The following CARS2 variants were observed in gnomAD, a reference collection of about 807,000 sequenced individuals.
CARS2 encodes the protein probable cysteine--tRNA ligase, mitochondrial.
A neutral mutation model predicts 68.8 loss-of-function variants in CARS2; 52 were observed. That is an observed-to-expected ratio of 0.76 (90% CI 0.61 to 0.95). CARS2 has a LOEUF of 0.95. CARS2 is among the 40% of genes least tolerant of loss of function. CARS2 has a pLI of 0.00. For synonymous variants in CARS2, 314 were observed against 303.6 expected (o/e 1.03, Z -0.36); for missense variants, 780 against 754.2 (o/e 1.03, Z -0.40).
chr13:110,696,753 TA>T (rs1451520594), intron 3 of CARS2, among the ~76,000 whole-genome samples: 1 of 152,228 alleles, frequency 6.6e-6, no homozygotes, highest in Non-Finnish European at 1.5e-5. Context: ...ATAACATTTT[TA>T]AAAAAGTTAA....
intron 9 of CARS2, among the ~76,000 whole-genome samples, chr13:110,656,099 T>G (rs2062359508): frequency 6.6e-6 from 1 of 151,794 alleles, no homozygotes; most frequent in South Asian, 2.1e-4. Flanking sequence ...GGTTAGGAGT[T>G]CAAGACCAGC....
chr13:110,699,371 T>C (rs745711673), intron 3 of CARS2, among the ~76,000 whole-genome samples: 50 of 152,356 alleles, frequency 3.3e-4, no homozygotes, highest in East Asian at 1.5e-3. Context: ...GTGCTGACCA[T>C]GGACGCCGGT....
intron 13 of CARS2, 56 bp from the exon 14 acceptor site, chr13:110,642,577 C>CG (rs1261370866): frequency 6.5e-7 from 1 of 1,539,886 alleles, no homozygotes; most frequent in East Asian, 2.3e-5. Flanking sequence ...GTGGATGCCC[C>CG]CTCCCCACCC....
rs1566366174 is a variant in CARS2 at position 110,705,899 on chromosome 13, TA to T, written c.194del (p.Leu65GlnfsTer40). On this transcript the variant is annotated frameshift_variant, in exon 1 of 15. Transcript: ENST00000257347. LOFTEE classifies it high-confidence loss of function. This position sits in a 1 kb window ranked among gnomAD's most constrained non-coding sequence, Gnocchi z 4.0. ...AGGCGGCTTCGGCGTGCGCCACGAT[TA>T]GGGGTTCCTTCCTCCCGGTGAGGCT... Reference protein sequence around the residue: ...YNSLTGRKEPLIVAHAEAASW... With the variant: ...YNSLTGRKEPXIVAHAEAASW... 2.5e-6 allele frequency: 4 copies of T among 1,573,634 alleles called. No individual in the cohort carries two copies. In the South Asian group the frequency reaches 3.5e-5, roughly 14 times the overall value.
chr13:110,712,611 C>G (rs773615135), intron 1 of CARS2: 1 of 455,480 alleles, frequency 2.2e-6, no homozygotes, highest in Admixed American at 3.3e-5. Context: ...GCCCAAAATC[C>G]GGGAGCTTTG....
Position 110,651,076 on chromosome 13 carries a change from CG to C in CARS2, c.1011del (p.Asp338MetfsTer44), listed in dbSNP as rs1566653787. ...TIKDFLKTFS[P>X]DVFRFFCLRS... is the part of the protein sequence containing the mutation. ...CGCAGGCAGAAGAACCGGAAGACAT[CG>C]GGGGAAAAGGTCTTCAGAAAGTCCT... On this transcript the variant is annotated frameshift_variant, in exon 10 of 15. Transcript: ENST00000257347. LOFTEE classifies it high-confidence loss of function. The C allele has an allele frequency of 6.2e-7, 1 of 1,613,418 alleles. No homozygotes were observed. Among genetic ancestry groups the C allele is most frequent in the Middle Eastern group, 1.7e-4 (1 of 6,060 alleles).
chr13:110,713,341 C>T (rs1566376318), exon 1 of CARS2: 11 of 1,107,622 alleles, frequency 9.9e-6, no homozygotes, highest in Non-Finnish European at 1.1e-5. Context: ...CCCGTTAGGT[C>T]CTGGTCGGGT....
At chr13:110,693,620 A>G (rs1013006396) in intron 3 of CARS2, among the ~76,000 whole-genome samples, 4 of 152,044 alleles carry the variant, frequency 2.6e-5, no homozygotes, top group Non-Finnish European at 5.9e-5. Flanking sequence ...TAGCCTCCCA[A>G]AATGCTGGGA....
At position 110,647,096 on chromosome 13, in the gene CARS2, C is replaced by T; in HGVS notation, c.1193+5G>A. On this transcript the variant is annotated splice_donor_5th_base_variant and intron_variant, in intron 11 of 14. Coordinates refer to ENST00000257347, the MANE Select transcript of CARS2 (RefSeq NM_024537.4). ...GCCACGCCGGGTGCTAGGCGGGCCTCTTACCTCTCCCACAGCATCGCTTCC... is the reference window on the plus strand; with the variant it reads ...GCCACGCCGGGTGCTAGGCGGGCCTTTTACCTCTCCCACAGCATCGCTTCC... 1 of 1,575,114 alleles carries T rather than the reference C, an allele frequency of 6.3e-7. No individual in the cohort carries two copies. Among genetic ancestry groups the T allele is most frequent in the Non-Finnish European group, 8.6e-7 (1 of 1,161,150 alleles).
At chr13:110,701,757 C>T (rs552079999) in intron 2 of CARS2, among the ~76,000 whole-genome samples, 1 of 152,334 alleles carries the variant, frequency 6.6e-6, no homozygotes, top group African/African-American at 2.4e-5. Context: ...GAGAAACTGA[C>T]AAAGGTATTG....
At chr13:110,698,836 T>C (rs1383439512) in intron 3 of CARS2, among the ~76,000 whole-genome samples, 1 of 152,018 alleles carries the variant, frequency 6.6e-6, no homozygotes, top group African/African-American at 2.4e-5. Context: ...AAACCGCATC[T>C]CTACTAAAAA....
upstream of CARS2, chr13:110,707,212 TAC>T (rs1286533469): frequency 2.0e-5 from 3 of 150,300 alleles, no homozygotes; most frequent in Non-Finnish European, 3.0e-5. Flanking sequence ...TACACCCCAA[TAC>T]AGTGTGCACC....
chr13:110,691,112 C>T (rs1326155448), intron 3 of CARS2, among the ~76,000 whole-genome samples: 2 of 152,236 alleles, frequency 1.3e-5, no homozygotes, highest in East Asian at 1.9e-4. Context: ...GCCTCCCGGG[C>T]TCAAGCGATG....
In CARS2 at chr13:110,676,986, G is replaced by C; in HGVS notation, c.773C>G (p.Ser258Cys). 6.3e-7 allele frequency: 1 copy of C among 1,583,754 alleles called. No individual in the cohort carries two copies. The highest frequency in any genetic ancestry group is 8.6e-7 in the Non-Finnish European group (1 of 1,160,004). Residue 258 changes from serine (S) to cysteine (C), a missense_variant, in exon 7 of 15, where the codon TCT becomes TGT. Ser to Cys is a moderately radical substitution (Grantham distance 112). Transcript: ENST00000257347. The surrounding 1 kb of genome is among the most constrained non-coding windows in gnomAD (Gnocchi z 4.0). Reference sequence around the variant, plus strand: ...GCAGGCACCTTACCTAGCGATGGCAGAGCACTCGATGTGCCAGCCCGGCCT... The same window carrying C: ...GCAGGCACCTTACCTAGCGATGGCACAGCACTCGATGTGCCAGCCCGGCCT... Reference protein sequence around the residue: ...PGRPGWHIECSAIASMVFGSQ... With the variant: ...PGRPGWHIECCAIASMVFGSQ...
At chr13:110,689,735 A>G (rs1438065192) in intron 3 of CARS2, among the ~76,000 whole-genome samples, 2 of 152,230 alleles carry the variant, frequency 1.3e-5, no homozygotes, top group African/African-American at 2.4e-5. Context: ...CACCTAGCAC[A>G]TAGCTGGTAC....
In CARS2 at chr13:110,664,242, C is replaced by T. The variant is rs539494336; in HGVS notation, c.920-724G>A. 184 of 978,740 alleles carry T rather than the reference C, an allele frequency of 1.9e-4. 1 individual carries two copies. The African/African-American group carries it at 2.9e-3, about 15-fold the overall frequency. 60.6% of individuals were successfully genotyped at this position (978,740 alleles called of 1,614,324 possible). Reference sequence around the variant, plus strand: ...GTCCTCCAGGCCGGACGCAGTGGCTCACACCCGTAATACCAGCCCTTTGGG... The same window carrying T: ...GTCCTCCAGGCCGGACGCAGTGGCTTACACCCGTAATACCAGCCCTTTGGG... On this transcript the variant is annotated intron_variant, in intron 8 of 14. Transcript: ENST00000257347.
intron 2 of CARS2, among the ~76,000 whole-genome samples, 179 bp from the exon 3 acceptor site, chr13:110,701,734 C>A (rs1441669168): frequency 2.0e-5 from 3 of 152,212 alleles, no homozygotes; most frequent in Admixed American, 6.5e-5. Flanking sequence ...GCCTGCGCCA[C>A]AAGGGTTCTC....
chr13:110,670,725 G>T lies in CARS2; in HGVS notation c.786-3252C>A, dbSNP rs968139073. On this transcript the variant is annotated intron_variant, in intron 7 of 14. Transcript: ENST00000257347. This position sits in a 1 kb window ranked among gnomAD's most constrained non-coding sequence, Gnocchi z 4.1. The stretch of plus-strand genomic sequence containing the variant: ...ACAGAGAATGACTTTGATGAGTTGA[G>T]AGAAGAAGGCTTCAGACGATCGGTA... Among the ~76,000 whole-genome samples, 2 of 152,236 alleles carry T rather than the reference G, an allele frequency of 1.3e-5. No homozygotes were observed. Among genetic ancestry groups the T allele is most frequent in the Non-Finnish European group, 2.9e-5 (2 of 68,044 alleles).
chr13:110,708,187 A>AT (rs1409029118), upstream of CARS2, among the ~76,000 whole-genome samples: 100 of 152,020 alleles, frequency 6.6e-4, 1 homozygote, highest in East Asian at 2.9e-3. Flanking sequence ...GAAAAAAAAA[A>AT]TTTAGAAGAA....
Sources: gnomAD v4.1 joint callset for allele counts (sites outside exome capture counted in the v4.1 genomes callset) on GRCh38, gnomAD v4.1.1 for gene constraint, Gnocchi (gnomAD v3.1) non-coding constraint, MANE v1.5 for transcripts, NCBI Gene and HGNC (gene_info 2026-07-23, HGNC 2026-07-21) for gene names.